The following UXS1 variants were observed in gnomAD, a reference collection of about 807,000 sequenced individuals.
The protein encoded by UXS1 is UDP-glucuronate decarboxylase 1.
A neutral mutation model predicts 62.6 loss-of-function variants in UXS1; 33 were observed. The observed-to-expected ratio is 0.53, with a 90% CI of 0.40 to 0.70. The LOEUF (loss-of-function observed/expected upper bound fraction) is 0.70, where lower values mean the gene tolerates loss of function less well. UXS1 is among the 30% of genes least tolerant of loss of function. The pLI is 0.00. For missense variants in UXS1, 434 were observed against 556.3 expected, an observed-to-expected ratio of 0.78 and a Z score of 2.21; for synonymous variants, 213 against 206.8, an observed-to-expected ratio of 1.03 and a Z score of -0.26.
intron 9 of UXS1, among the ~76,000 whole-genome samples, chr2:106,118,222 CTT>C (rs5833170): frequency 2.5e-3 from 358 of 145,904 alleles, no homozygotes; most frequent in South Asian, 6.4e-3. Context: ...TGGCTGCTTA[CTT>C]TTTTTTTTTT....
intron 5 of UXS1, among the ~76,000 whole-genome samples, 161 bp downstream of exon 5, chr2:106,157,894 TGAA>T (rs1682566149): frequency 1.3e-5 from 2 of 152,042 alleles, no homozygotes; most frequent in African/African-American, 4.8e-5. Flanking sequence ...TTTGGGGTGA[TGAA>T]GAAACTGTGG....
chr2:106,111,360 G>A (rs942049510), intron 10 of UXS1, among the ~76,000 whole-genome samples: 1 of 152,202 alleles, frequency 6.6e-6, no homozygotes, highest in African/African-American at 2.4e-5. Context: ...GGCATGGGCT[G>A]TTGGGAGCCT....
At chr2:106,125,403 G>A (rs1679848680) in intron 8 of UXS1, among the ~76,000 whole-genome samples, 1 of 152,254 alleles carries the variant, frequency 6.6e-6, no homozygotes, top group Non-Finnish European at 1.5e-5. Context: ...CCAGGTGACA[G>A]GGTGCAGACC....
chr2:106,146,151 G>A (rs868133738), intron 5 of UXS1, among the ~76,000 whole-genome samples: 4 of 152,220 alleles, frequency 2.6e-5, no homozygotes, highest in Non-Finnish European at 4.4e-5. Flanking sequence ...AACTGGAGGA[G>A]GATAAAGGGA....
At chr2:106,166,277 G>C (rs1683205377) in intron 1 of UXS1, 194 bp from the exon 2 acceptor site, 5 of 549,354 alleles carry the variant, frequency 9.1e-6, no homozygotes, top group Non-Finnish European at 1.6e-5. Flanking sequence ...GGATCGTAGA[G>C]TTTATTCAGG....
chr2:106,188,692 C>G (rs764017489), intron 1 of UXS1, among the ~76,000 whole-genome samples: 11 of 152,212 alleles, frequency 7.2e-5, no homozygotes, highest in Non-Finnish European at 1.5e-4. Context: ...ACCCGCAGCA[C>G]TAAGGTCAGA....
chr2:106,151,974 T>A (rs1451782925), intron 5 of UXS1, among the ~76,000 whole-genome samples: 3 of 152,202 alleles, frequency 2.0e-5, no homozygotes. Flanking sequence ...ACAGCCTAGG[T>A]GATGGGTAAA....
rs771016006 is a variant in UXS1 at position 106,101,099 on chromosome 2, C to G, written c.943G>C (p.Val315Leu). ...QYVSDLVNGL[V>L]ALMNSNVSSP... is the part of the protein sequence containing the mutation. ...CTGACGTTGCTGTTCATGAGAGCCA[C>G]GAGGCCATTCACTAGATCGCTGGAA... The change falls in exon 12 of 15, where the codon GTG (valine) becomes CTG (leucine). Residue 315 changes from valine (V) to leucine (L), a missense_variant. By Grantham distance (32) the Val-to-Leu change is conservative. Around this residue, in one of 3 missense-constraint regions of UXS1, gnomAD observed 209 missense variants for 233.3 expected, o/e 0.90. Transcript: ENST00000283148. The G allele has an allele frequency of 1.2e-6, 2 of 1,613,736 alleles. No homozygotes were observed. The highest frequency in any genetic ancestry group is 3.3e-5 in the Admixed American group (2 of 59,972).
At chr2:106,127,049 T>A (rs140513405) in intron 7 of UXS1, among the ~76,000 whole-genome samples, 9 of 152,324 alleles carry the variant, frequency 5.9e-5, no homozygotes, top group East Asian at 1.9e-4. Context: ...TCAAAATCTA[T>A]CCAAGCTGCA....
At chr2:106,150,325 G>A (rs1464855729) in intron 5 of UXS1, among the ~76,000 whole-genome samples, 1 of 152,220 alleles carries the variant, frequency 6.6e-6, no homozygotes, top group East Asian at 1.9e-4. Context: ...TTGATACACA[G>A]AGTAGTATGG....
intron 6 of UXS1, among the ~76,000 whole-genome samples, chr2:106,142,641 T>G (rs1259469943): frequency 1.3e-5 from 2 of 152,134 alleles, no homozygotes; most frequent in Non-Finnish European, 2.9e-5. Context: ...CTGGCATTGT[T>G]GGATGAAGTG....
intron 5 of UXS1, among the ~76,000 whole-genome samples, chr2:106,156,931 C>T (rs1682480070): frequency 6.6e-6 from 1 of 152,156 alleles, no homozygotes; most frequent in Non-Finnish European, 1.5e-5. Flanking sequence ...ATATGAAATA[C>T]TGATACAAGC....
intron 3 of UXS1, 82 bp downstream of exon 3, chr2:106,164,654 A>G (rs1006017209): frequency 2.3e-5 from 26 of 1,116,818 alleles, no homozygotes; most frequent in African/African-American, 2.1e-4. Flanking sequence ...AGCTGCCACA[A>G]TAAGAATGAC....
At chr2:106,172,022 T>C (rs1683595225) in intron 1 of UXS1, among the ~76,000 whole-genome samples, 1 of 151,282 alleles carries the variant, frequency 6.6e-6, no homozygotes, top group Non-Finnish European at 1.5e-5. Context: ...CAATGTTTCC[T>C]AAAATCCTTC....
intron 4 of UXS1, among the ~76,000 whole-genome samples, chr2:106,161,978 T>C (rs754349984): frequency 2.0e-4 from 30 of 152,358 alleles, no homozygotes; most frequent in Non-Finnish European, 4.1e-4. Context: ...ATTCTTATCT[T>C]GTCAGTGTCA....
At chr2:106,162,640 A>G (rs1465491594) in intron 4 of UXS1, among the ~76,000 whole-genome samples, 1 of 152,232 alleles carries the variant, frequency 6.6e-6, no homozygotes, top group Non-Finnish European at 1.5e-5. Flanking sequence ...CTGCATAACT[A>G]AAGCACAGAA....
chr2:106,111,877 C>CTA (rs1445873779), intron 10 of UXS1, among the ~76,000 whole-genome samples: 1 of 152,134 alleles, frequency 6.6e-6, no homozygotes, highest in African/African-American at 2.4e-5. Flanking sequence ...CTCTAGGAGG[C>CTA]TACAGATCAG....
intron 5 of UXS1, among the ~76,000 whole-genome samples, chr2:106,152,599 GAAAA>G (rs1473160828): frequency 1.3e-5 from 2 of 150,662 alleles, no homozygotes; most frequent in East Asian, 3.9e-4. Context: ...GAAAAGAAAA[GAAAA>G]AAGAAGAGAA....
At chr2:106,098,600 C>A in intron 13 of UXS1, 116 bp downstream of exon 13, 1 of 812,928 alleles carries the variant, frequency 1.2e-6, no homozygotes, top group South Asian at 1.7e-5. Context: ...ATAAAAAGTT[C>A]TGCTTTGATC....
Sources: allele counts gnomAD v4.1 joint callset (sites outside exome capture counted in the v4.1 genomes callset), GRCh38; gene constraint gnomAD v4.1.1; regional missense constraint gnomAD v4.1.1; transcripts MANE v1.5; gene names NCBI Gene and HGNC (gene_info 2026-07-23, HGNC 2026-07-21).